JADE1: variants seen among roughly 807,000 people sequenced by gnomAD.
The protein encoded by JADE1 is jade family PHD finger 1.
In JADE1, 14 loss-of-function variants were observed where a neutral mutation model predicts 81.8. The observed-to-expected ratio is 0.17, with a 90% CI of 0.11 to 0.27. The LOEUF (loss-of-function observed/expected upper bound fraction) is 0.27. JADE1 is among the 10% of genes least tolerant of loss of function. JADE1 has a pLI of 1.00. For synonymous variants in JADE1, 353 were observed against 391.9 expected, an observed-to-expected ratio of 0.90 and a Z score of 1.17; for missense variants, 690 against 1,047.9, an observed-to-expected ratio of 0.66 and a Z score of 4.71.
rs566106715 is a variant in JADE1 at position 128,853,172 on chromosome 4, G to A, written c.696+904G>A. Among the ~76,000 whole-genome samples, 147 of 152,216 alleles carry A rather than the reference G, an allele frequency of 9.7e-4. 3 individuals carry two copies. Among genetic ancestry groups the A allele is most frequent in the Admixed American group, 1.8e-3 (28 of 15,292 alleles). On this transcript the variant is annotated intron_variant, in intron 6 of 10. Coordinates refer to ENST00000226319, the MANE Select transcript of JADE1 (RefSeq NM_199320.4). ...ATTACAGGTGTGAGGCACCGTGCCC[G>A]GTCCACATGGCGGTCTTCTTAGAAG...
chr4:128,849,736 C>G (rs1358011479), intron 5 of JADE1, among the ~76,000 whole-genome samples: 1 of 152,176 alleles, frequency 6.6e-6, no homozygotes, highest in Non-Finnish European at 1.5e-5. Flanking sequence ...CAGCCCTTCT[C>G]CACCTCTTTT....
Position 128,857,421 on chromosome 4 carries a change from C to G in JADE1, c.948C>G (p.Ser316Arg). The part of the protein sequence containing the change: ...IPSSRWALVC[S>R]LCNEKFGASI... ...GCAGCCGGTGGGCGCTAGTGTGCAG[C>G]CTCTGCAATGAGAAGTTTGGGGCCT... is the stretch of plus-strand genomic sequence containing the variant. Residue 316 changes from serine to arginine, a missense_variant, in exon 8 of 11, where the codon AGC becomes AGG. Coordinates refer to ENST00000226319, the MANE Select transcript of JADE1 (RefSeq NM_199320.4). 1 of 1,613,884 alleles carries G rather than the reference C, an allele frequency of 6.2e-7. No homozygotes were observed. Among genetic ancestry groups the G allele is most frequent in the South Asian group, 1.1e-5 (1 of 91,080 alleles).
chr4:128,864,249 G>A (rs1053971688), intron 9 of JADE1: 21 of 528,796 alleles, frequency 4.0e-5, no homozygotes, highest in Non-Finnish European at 5.1e-5. Context: ...CCGGGTTCAA[G>A]TGATTCTCCT....
chr4:128,836,574 C>A (rs1185284655), intron 2 of JADE1, among the ~76,000 whole-genome samples: 2 of 152,044 alleles, frequency 1.3e-5, no homozygotes, highest in African/African-American at 2.4e-5. Context: ...GCAGTTAAAA[C>A]CCGTGTTGTT....
At position 128,818,513 on chromosome 4, in the gene JADE1, T is replaced by C. The variant is rs183050961; in HGVS notation, c.-27+8636T>C. Among the ~76,000 whole-genome samples, 3 of 152,264 alleles carry C rather than the reference T, an allele frequency of 2.0e-5. No individual in the cohort carries two copies. In the East Asian group the frequency reaches 5.8e-4, roughly 29 times the overall value. On this transcript the variant is annotated intron_variant, in intron 1 of 10. Transcript: ENST00000226319. ...CCAGCACCTGGTAATTGATTCACATTGAACTAAACACGCATAATGGTGGTT... is the reference window on the plus strand; with the variant it reads ...CCAGCACCTGGTAATTGATTCACATCGAACTAAACACGCATAATGGTGGTT...
At chr4:128,864,650 G>C in intron 9 of JADE1, 3 of 973,374 alleles carry the variant, frequency 3.1e-6, no homozygotes, top group Non-Finnish European at 3.7e-6. Flanking sequence ...TCTCAAGTAA[G>C]TTAGTTTTCT....
intron 1 of JADE1, among the ~76,000 whole-genome samples, chr4:128,823,930 T>G (rs987940051): frequency 3.3e-5 from 5 of 152,124 alleles, no homozygotes; most frequent in Non-Finnish European, 7.3e-5. Flanking sequence ...TAGGGGCAGG[T>G]GGACAGATTT....
chr4:128,821,467 T>G (rs929990724), intron 1 of JADE1, among the ~76,000 whole-genome samples: 1 of 151,122 alleles, frequency 6.6e-6, no homozygotes, highest in Non-Finnish European at 1.5e-5. Flanking sequence ...ACTGTGATAA[T>G]GGATAAGGAG....
intron 1 of JADE1, among the ~76,000 whole-genome samples, chr4:128,824,629 A>G (rs1383873009): frequency 1.3e-5 from 2 of 152,230 alleles, no homozygotes; most frequent in Non-Finnish European, 2.9e-5. Context: ...AAAGCATCTC[A>G]AATTCAATAA....
chr4:128,812,335 G>A (rs2125778481), intron 1 of JADE1, among the ~76,000 whole-genome samples: 1 of 151,646 alleles, frequency 6.6e-6, no homozygotes, highest in East Asian at 2.0e-4. Flanking sequence ...GAGAGGGAGG[G>A]GTCGGCGCCG....
chr4:128,849,204 T>G, intron 5 of JADE1, 37 bp downstream of exon 5: 1 of 1,536,274 alleles, frequency 6.5e-7, no homozygotes, highest in East Asian at 2.4e-5. Flanking sequence ...TATTAACCAA[T>G]GATGAATAGA....
At chr4:128,848,026 G>A (rs1730014733) in intron 4 of JADE1, among the ~76,000 whole-genome samples, 2 of 152,168 alleles carry the variant, frequency 1.3e-5, no homozygotes, top group African/African-American at 4.8e-5. Context: ...ACCACTCCAG[G>A]TGTTAAAGGT....
chr4:128,858,263 TGA>T (rs1487150557), intron 8 of JADE1, among the ~76,000 whole-genome samples: 3 of 152,178 alleles, frequency 2.0e-5, no homozygotes, highest in African/African-American at 7.2e-5. Flanking sequence ...AAGACCCTAC[TGA>T]GAAGTTCGTT....
chr4:128,839,382 A>T (rs1442075949), intron 2 of JADE1, among the ~76,000 whole-genome samples: 1 of 152,158 alleles, frequency 6.6e-6, no homozygotes, highest in Non-Finnish European at 1.5e-5. Context: ...GTAAAATAGA[A>T]TTTTTTTCCC....
chr4:128,820,278 AT>A (rs1447851694), intron 1 of JADE1, among the ~76,000 whole-genome samples: 6 of 151,722 alleles, frequency 4.0e-5, no homozygotes, highest in Non-Finnish European at 7.4e-5. Context: ...TGCCTGGCTA[AT>A]TTTTGTATTT....
At chr4:128,812,816 C>T (rs1283543499) in intron 1 of JADE1, among the ~76,000 whole-genome samples, 1 of 152,252 alleles carries the variant, frequency 6.6e-6, no homozygotes, top group African/African-American at 2.4e-5. Context: ...GGGCTGTCGC[C>T]CTCTATTTGC....
intron 2 of JADE1, among the ~76,000 whole-genome samples, chr4:128,837,407 G>C (rs1056367721): frequency 7.9e-5 from 12 of 152,226 alleles, no homozygotes; most frequent in Non-Finnish European, 1.8e-4. Flanking sequence ...TTCTGGGCCA[G>C]TTCTTTGAAT....
intron 3 of JADE1, among the ~76,000 whole-genome samples, chr4:128,843,646 G>A (rs558945583): frequency 6.6e-6 from 1 of 152,306 alleles, no homozygotes; most frequent in South Asian, 2.1e-4. Context: ...CCTGAGGTCT[G>A]TTTATTCTAA....
intron 1 of JADE1, among the ~76,000 whole-genome samples, chr4:128,827,646 A>G (rs1728191923): frequency 6.6e-6 from 1 of 152,138 alleles, no homozygotes; most frequent in Non-Finnish European, 1.5e-5. Context: ...AGATCTGCAT[A>G]TAGTATTTTG....
Sources: gnomAD v4.1 joint callset for allele counts (sites outside exome capture counted in the v4.1 genomes callset) on GRCh38, gnomAD v4.1.1 for gene constraint, MANE v1.5 for transcripts, NCBI Gene and HGNC (gene_info 2026-07-23, HGNC 2026-07-21) for gene names.